The following ACTR3C variants were observed in gnomAD, a reference collection of about 807,000 sequenced individuals.
The protein encoded by ACTR3C is actin-related protein 3C.
In ACTR3C, 18 loss-of-function variants were observed where a neutral mutation model predicts 26.3. The ratio of observed to expected loss-of-function variants is 0.68; its 90% CI spans 0.47 to 1.01. The LOEUF (loss-of-function observed/expected upper bound fraction) is 1.01. Among genes scored for constraint, ACTR3C ranks in the 50% least tolerant of loss-of-function variants. The pLI is 0.00. For synonymous variants in ACTR3C, 55 were observed against 94.5 expected (o/e 0.58, Z 2.42); for missense variants, 184 against 250.7 (o/e 0.73, Z 1.80).
chr7:149,933,995 T>C, the ACTR3C span, among the ~76,000 whole-genome samples: 25 of 146,216 alleles, frequency 1.7e-4, no homozygotes, highest in African/African-American at 6.4e-4. Context: ...GATTCCGGTG[T>C]TAAGTTCCAC....
At chr7:150,319,358 C>T (rs188710443) in intron 1 of ACTR3C, among the ~76,000 whole-genome samples, 4 of 152,286 alleles carry the variant, frequency 2.6e-5, no homozygotes, top group Non-Finnish European at 1.5e-5. Context: ...CAGGCATGCA[C>T]CACCATGCCT....
At chr7:149,932,874 G>A in the ACTR3C span, among the ~76,000 whole-genome samples, 5 of 151,260 alleles carry the variant, frequency 3.3e-5, no homozygotes, top group African/African-American at 1.2e-4. Flanking sequence ...CAGACCTTGG[G>A]TGCCTGGAAG....
the ACTR3C span, among the ~76,000 whole-genome samples, chr7:150,116,229 G>A: frequency 1.3e-5 from 2 of 152,196 alleles, no homozygotes; most frequent in Non-Finnish European, 2.9e-5. Flanking sequence ...ACAGGAGTCT[G>A]TATTTGCATA....
the ACTR3C span, among the ~76,000 whole-genome samples, chr7:150,082,940 T>C: frequency 1.0e-5 from 1 of 97,696 alleles, no homozygotes; most frequent in Non-Finnish European, 2.0e-5. Flanking sequence ...TTTTCTTTTT[T>C]TTTTTTCTTT....
the ACTR3C span, among the ~76,000 whole-genome samples, chr7:150,015,142 T>C: frequency 1.3e-5 from 2 of 152,176 alleles, no homozygotes; most frequent in South Asian, 2.1e-4. Context: ...CAGCCATGGT[T>C]GAGGGCCAAA....
chr7:149,894,153 C>T, the ACTR3C span, among the ~76,000 whole-genome samples: 10 of 152,130 alleles, frequency 6.6e-5, no homozygotes, highest in East Asian at 1.9e-4. Flanking sequence ...TTTTACACAA[C>T]GGGCAAAGTG....
At chr7:150,249,851 A>T (rs1018442638) in intron 6 of ACTR3C, among the ~76,000 whole-genome samples, 2 of 152,224 alleles carry the variant, frequency 1.3e-5, no homozygotes, top group African/African-American at 4.8e-5. Flanking sequence ...GAAATACCTG[A>T]GACATGGATA....
chr7:150,008,007 T>C, the ACTR3C span, among the ~76,000 whole-genome samples: 1 of 152,196 alleles, frequency 6.6e-6, no homozygotes, highest in Non-Finnish European at 1.5e-5. Flanking sequence ...ATCCCCTCCC[T>C]AGCATTGGCA....
the ACTR3C span, among the ~76,000 whole-genome samples, chr7:150,012,185 T>G: frequency 6.6e-6 from 1 of 152,198 alleles, no homozygotes; most frequent in Non-Finnish European, 1.5e-5. Flanking sequence ...CACGGATTGC[T>G]GGTCTTTAAA....
At chr7:150,022,859 C>A in the ACTR3C span, among the ~76,000 whole-genome samples, 3 of 66,936 alleles carry the variant, frequency 4.5e-5, no homozygotes, top group Non-Finnish European at 6.2e-5. Flanking sequence ...ATCAGAATTA[C>A]TAAGACTTTA....
the ACTR3C span, among the ~76,000 whole-genome samples, chr7:149,984,363 C>T: frequency 1.3e-5 from 2 of 152,098 alleles, no homozygotes; most frequent in African/African-American, 2.4e-5. Flanking sequence ...GCCACCACAC[C>T]TGGCTAATAT....
At chr7:150,097,694 C>G in the ACTR3C span, among the ~76,000 whole-genome samples, 3 of 151,432 alleles carry the variant, frequency 2.0e-5, no homozygotes, top group South Asian at 2.1e-4. Flanking sequence ...AGCCTGAACT[C>G]AAGGCTCCAA....
chr7:150,253,210 A>C (rs1050713485), intron 6 of ACTR3C, among the ~76,000 whole-genome samples: 1 of 152,184 alleles, frequency 6.6e-6, no homozygotes, highest in Admixed American at 6.5e-5. Context: ...TGCATGGGTA[A>C]TGTCCTCTGG....
the ACTR3C span, among the ~76,000 whole-genome samples, chr7:150,187,412 T>C: frequency 6.6e-6 from 1 of 151,804 alleles, no homozygotes; most frequent in Non-Finnish European, 1.5e-5. Context: ...ATTGACATCT[T>C]GTACAATCAC....
the ACTR3C span, among the ~76,000 whole-genome samples, chr7:150,233,112 G>A: frequency 0.059 from 8,885 of 151,632 alleles, 461 homozygotes; most frequent in African/African-American, 0.14. Context: ...TTCCTTTTCC[G>A]TGAGGAACTT....
the ACTR3C span, among the ~76,000 whole-genome samples, chr7:150,037,749 CCCA>C: frequency 0.016 from 669 of 41,674 alleles, 28 homozygotes; most frequent in East Asian, 0.1. Flanking sequence ...GCTCTCAGTC[CCCA>C]CCCTCGCGGG....
At chr7:150,117,810 C>T in the ACTR3C span, among the ~76,000 whole-genome samples, 2 of 152,322 alleles carry the variant, frequency 1.3e-5, no homozygotes, top group South Asian at 2.1e-4. Flanking sequence ...CAGCAGAGGT[C>T]GATAGACACC....
At chr7:150,270,704 C>T (rs1411308532) in intron 6 of ACTR3C, among the ~76,000 whole-genome samples, 1 of 152,076 alleles carries the variant, frequency 6.6e-6, no homozygotes, top group Admixed American at 6.5e-5. Flanking sequence ...TCGGACCCCA[C>T]CTTGTATAGA....
At chr7:150,280,203 C>T in intron 6 of ACTR3C, among the ~76,000 whole-genome samples, 1 of 152,110 alleles carries the variant, frequency 6.6e-6, no homozygotes, top group African/African-American at 2.4e-5. Flanking sequence ...ATCAGAATCT[C>T]CCAGGGTGGG....
Sources: allele counts gnomAD v4.1 joint callset (sites outside exome capture counted in the v4.1 genomes callset), GRCh38; gene constraint gnomAD v4.1.1; transcripts MANE v1.5; gene names NCBI Gene and HGNC (gene_info 2026-07-23, HGNC 2026-07-21).